KAZN: variants seen among roughly 807,000 people sequenced by gnomAD.
The protein encoded by KAZN is kazrin.
Under a neutral mutation model 87.4 loss-of-function variants are expected in KAZN, and 40 were observed. The observed-to-expected ratio is 0.46, with a 90% CI of 0.36 to 0.60. The LOEUF is 0.60. KAZN is among the 20% of genes least tolerant of loss of function. The pLI, the probability that KAZN is intolerant of heterozygous loss-of-function variation, is 0.00. For synonymous variants in KAZN, 466 were observed against 458.3 expected, an observed-to-expected ratio of 1.02 and a Z score of -0.22; for missense variants, 898 against 1,073.9, an observed-to-expected ratio of 0.84 and a Z score of 2.29.
Position 14,332,057 on chromosome 1 carries a change from T to C in KAZN, c.249+151465T>C, listed in dbSNP as rs1031834727. Reference sequence around the variant, plus strand: ...AATTTTAGGCTCTGCAGGCCACATATAGTCTCCATCACATTCTTCTTTTTT... The same window carrying C: ...AATTTTAGGCTCTGCAGGCCACATACAGTCTCCATCACATTCTTCTTTTTT... On this transcript the variant is annotated intron_variant, in intron 2 of 16. Transcript: ENST00000636203. Among the ~76,000 whole-genome samples, 6 of 152,300 alleles carry C rather than the reference T, an allele frequency of 3.9e-5. No individual in the cohort carries two copies. The East Asian group carries it at 7.7e-4, about 20-fold the overall frequency.
At chr1:14,934,107 G>A (rs1387857169) in intron 1 of KAZN, among the ~76,000 whole-genome samples, 3 of 150,820 alleles carry the variant, frequency 2.0e-5, no homozygotes, top group East Asian at 4.0e-4. Context: ...CGCCCGCCTC[G>A]GCCTCCCAAA....
chr1:14,040,684 G>A (rs995998295), intron 1 of KAZN, among the ~76,000 whole-genome samples: 2 of 151,702 alleles, frequency 1.3e-5, no homozygotes, highest in Non-Finnish European at 2.9e-5. Flanking sequence ...AGAATCACTT[G>A]AACTCGGGAG....
chr1:14,286,649 C>CTGCAGCTA (rs1653275429), intron 2 of KAZN, among the ~76,000 whole-genome samples: 1 of 152,208 alleles, frequency 6.6e-6, no homozygotes, highest in African/African-American at 2.4e-5. Flanking sequence ...AATAATTCCT[C>CTGCAGCTA]TGCAGCTATG....
chr1:14,508,081 A>G (rs1188993828), intron 2 of KAZN, among the ~76,000 whole-genome samples: 1 of 152,052 alleles, frequency 6.6e-6, no homozygotes, highest in African/African-American at 2.4e-5. Flanking sequence ...CTGCCTCCAC[A>G]TAGCCACCTG....
intron 2 of KAZN, among the ~76,000 whole-genome samples, chr1:14,186,785 G>A (rs527736391): frequency 3.9e-5 from 6 of 152,132 alleles, no homozygotes; most frequent in South Asian, 2.1e-4. Flanking sequence ...TGCTGCATGC[G>A]TGGACTTCAT....
Position 15,101,355 on chromosome 1 carries a change from C to T in KAZN, c.1548-188C>T, listed in dbSNP as rs987257382. On this transcript the variant is annotated intron_variant, in intron 10 of 14. Coordinates refer to ENST00000376030, the MANE Select transcript of KAZN (RefSeq NM_201628.3). ...TTCACCATCTCTGCCCTTTCTGTCT[C>T]ATTTTTTCCCTTTTTTCCTCTTGAT... Among the ~76,000 whole-genome samples the T allele has an allele frequency of 1.5e-4, 22 of 151,414 alleles. 1 individual carries two copies. The highest frequency in any genetic ancestry group is 3.4e-3 in the Middle Eastern group (1 of 292).
chr1:13,918,932 TA>T (rs1380360125), intron 1 of KAZN, among the ~76,000 whole-genome samples: 3 of 152,204 alleles, frequency 2.0e-5, no homozygotes, highest in Non-Finnish European at 2.9e-5. Flanking sequence ...CTTATGGTGT[TA>T]AAATGTTTTT....
intron 1 of KAZN, among the ~76,000 whole-genome samples, chr1:14,913,767 C>G (rs190586148): frequency 9.2e-5 from 14 of 152,314 alleles, no homozygotes; most frequent in Non-Finnish European, 2.9e-5. Context: ...AGCTAGGAGT[C>G]GCTCGGGCTG....
intron 1 of KAZN, among the ~76,000 whole-genome samples, chr1:13,976,953 A>G (rs1258248954): frequency 6.6e-6 from 1 of 152,230 alleles, no homozygotes; most frequent in Non-Finnish European, 1.5e-5. Context: ...CATTTACTGC[A>G]CAAGGAAATA....
At chr1:14,427,074 T>A (rs959855528) in intron 2 of KAZN, among the ~76,000 whole-genome samples, 1 of 152,156 alleles carries the variant, frequency 6.6e-6, no homozygotes. Flanking sequence ...TGTAAAATTG[T>A]TTACTTTCCA....
chr1:13,980,449 C>T (rs761369699), intron 1 of KAZN, among the ~76,000 whole-genome samples: 7 of 151,760 alleles, frequency 4.6e-5, no homozygotes, highest in African/African-American at 1.5e-4. Context: ...AGATATACCA[C>T]GAAAATACTA....
chr1:13,902,459 A>G (rs78293954), intron 1 of KAZN, among the ~76,000 whole-genome samples: 1,647 of 152,284 alleles, frequency 0.011, 23 homozygotes, highest in African/African-American at 0.038. Flanking sequence ...CCTGATGTGG[A>G]TATCTAAACC....
intron 2 of KAZN, among the ~76,000 whole-genome samples, chr1:15,013,152 C>G (rs1444342828): frequency 2.6e-5 from 4 of 152,186 alleles, no homozygotes; most frequent in African/African-American, 9.7e-5. Context: ...CTGTAGACTC[C>G]TCTGCCTTCT....
At chr1:14,956,480 C>T (rs1557658643) in intron 1 of KAZN, among the ~76,000 whole-genome samples, 1 of 151,846 alleles carries the variant, frequency 6.6e-6, no homozygotes, top group Admixed American at 6.6e-5. Flanking sequence ...GGGTTTGTAG[C>T]CTGTAATCCC....
At chr1:15,092,074 T>TTG (rs1640569423) in intron 8 of KAZN, among the ~76,000 whole-genome samples, 2 of 97,650 alleles carry the variant, frequency 2.0e-5, no homozygotes, top group African/African-American at 5.2e-5. Flanking sequence ...TTTTTTTTGA[T>TTG]TTTTTTTTTT....
At chr1:14,568,525 C>T (rs573266348) in intron 2 of KAZN, among the ~76,000 whole-genome samples, 11 of 152,108 alleles carry the variant, frequency 7.2e-5, no homozygotes, top group African/African-American at 2.2e-4. Context: ...GGGGAACTCC[C>T]GTTTATAAAC....
intron 2 of KAZN, among the ~76,000 whole-genome samples, chr1:14,499,779 TG>T (rs959401559): frequency 2.6e-5 from 4 of 152,186 alleles, no homozygotes; most frequent in Non-Finnish European, 5.9e-5. Context: ...CCTAGTGGCT[TG>T]GGCCTCAGTT....
At position 13,979,626 on chromosome 1, in the gene KAZN, C is replaced by T. The variant is rs188804617; in HGVS notation, c.91+85870C>T. 3.5e-3 allele frequency among the ~76,000 whole-genome samples: 538 copies of T among 152,224 alleles called. 2 individuals carry two copies. Among genetic ancestry groups the T allele is most frequent in the African/African-American group, 0.012 (501 of 41,536 alleles). On this transcript the variant is annotated intron_variant, in intron 1 of 16. Coordinates refer to the KAZN transcript ENST00000636203. ...TCAACTGAAACAATAATAGTAATAC[C>T]GTGTAGAACTTAAAATATGCGGCAG...
intron 1 of KAZN, among the ~76,000 whole-genome samples, chr1:14,893,995 T>C (rs1654998089): frequency 1.3e-5 from 2 of 152,020 alleles, no homozygotes; most frequent in South Asian, 4.2e-4. Flanking sequence ...ATGAAGAGTA[T>C]AATTAATCAG....
Sources: allele counts gnomAD v4.1 joint callset (sites outside exome capture counted in the v4.1 genomes callset), GRCh38; gene constraint gnomAD v4.1.1; transcripts MANE v1.5; gene names NCBI Gene and HGNC (gene_info 2026-07-23, HGNC 2026-07-21).